RBFOX1: variants seen among roughly 807,000 people sequenced by gnomAD.
RBFOX1 encodes RNA binding fox-1 homolog 1.
In RBFOX1, 8 loss-of-function variants were observed where a neutral mutation model predicts 57.7. The observed-to-expected ratio is 0.14, with a 90% CI of 0.08 to 0.25. The LOEUF (loss-of-function observed/expected upper bound fraction) is 0.25. Ranked by LOEUF, RBFOX1 falls within the 10% of genes least tolerant of loss-of-function variation. The pLI is 1.00. For synonymous variants in RBFOX1, 326 were observed against 222.4 expected (o/e 1.47, Z -4.15); for missense variants, 611 against 548.5 (o/e 1.11, Z -1.14).
intron 4 of RBFOX1, among the ~76,000 whole-genome samples, chr16:7,296,806 T>C (rs1036165841): frequency 3.3e-5 from 5 of 152,160 alleles, no homozygotes; most frequent in Admixed American, 2.6e-4. Flanking sequence ...TGGTGTTTCC[T>C]AGGAGCTAGT....
chr16:7,021,881 C>T (rs28478230), intron 3 of RBFOX1, among the ~76,000 whole-genome samples: 122 of 122,238 alleles, frequency 1.0e-3, no homozygotes, highest in African/African-American at 3.2e-3. Flanking sequence ...TTCTTTCTCT[C>T]TCTTTCTTTC....
intron 1 of RBFOX1, among the ~76,000 whole-genome samples, chr16:6,274,927 G>A (rs2075631491): frequency 6.6e-6 from 1 of 152,156 alleles, no homozygotes; most frequent in South Asian, 2.1e-4. Flanking sequence ...TCTGTCTAGT[G>A]GAAAAGCATT....
chr16:6,052,513 G>A (rs938301869), intron 1 of RBFOX1, among the ~76,000 whole-genome samples: 3 of 152,230 alleles, frequency 2.0e-5, no homozygotes, highest in Non-Finnish European at 4.4e-5. Flanking sequence ...GGCCGGGCGC[G>A]GTGGCTCACA....
intron 3 of RBFOX1, among the ~76,000 whole-genome samples, chr16:5,669,308 A>G (rs573903966): frequency 1.3e-4 from 20 of 152,190 alleles, no homozygotes; most frequent in African/African-American, 4.8e-4. Flanking sequence ...CCTACCCAGC[A>G]GCAGGAGGGA....
intron 1 of RBFOX1, among the ~76,000 whole-genome samples, chr16:6,191,794 A>G (rs1344468): frequency 0.36 from 54,218 of 151,910 alleles, 9,955 homozygotes; most frequent in South Asian, 0.46. Flanking sequence ...TTCACCACAG[A>G]GCTTTCCTTG....
At chr16:6,037,457 A>G (rs1408170994) in intron 1 of RBFOX1, 4 of 151,594 alleles carry the variant, frequency 2.6e-5, no homozygotes, top group Non-Finnish European at 5.9e-5. Context: ...TTGATTTTTC[A>G]ATAATACTTT....
intron 1 of RBFOX1, among the ~76,000 whole-genome samples, chr16:5,397,483 G>A (rs2066592787): frequency 6.6e-6 from 1 of 152,174 alleles, no homozygotes; most frequent in African/African-American, 2.4e-5. Flanking sequence ...GTCTATGGAC[G>A]GCGGAGTGTG....
intron 2 of RBFOX1, among the ~76,000 whole-genome samples, chr16:5,474,896 G>A (rs565659668): frequency 6.6e-6 from 1 of 152,194 alleles, no homozygotes; most frequent in Non-Finnish European, 1.5e-5. Context: ...GACTAGCATT[G>A]GCTATGGATT....
chr16:5,484,713 C>G (rs990118860), intron 2 of RBFOX1, among the ~76,000 whole-genome samples: 3 of 151,680 alleles, frequency 2.0e-5, no homozygotes, highest in Admixed American at 1.3e-4. Context: ...GAGATCGAAA[C>G]CATCCTGGCC....
At chr16:6,866,736 G>T (rs1055859472) in intron 3 of RBFOX1, among the ~76,000 whole-genome samples, 2 of 151,638 alleles carry the variant, frequency 1.3e-5, no homozygotes, top group Admixed American at 1.3e-4. Context: ...TAGAGAAGGG[G>T]TTTCACCGTG....
chr16:6,295,656 G>A (rs555906819), intron 1 of RBFOX1, among the ~76,000 whole-genome samples: 2 of 152,320 alleles, frequency 1.3e-5, no homozygotes, highest in East Asian at 3.9e-4. Flanking sequence ...TTTCACACAT[G>A]TCCAATGACT....
intron 3 of RBFOX1, among the ~76,000 whole-genome samples, chr16:6,776,737 C>T (rs1385695126): frequency 1.3e-5 from 2 of 152,180 alleles, no homozygotes; most frequent in African/African-American, 2.4e-5. Context: ...GACTGAGCCA[C>T]ACTAGGTGCT....
At chr16:5,902,253 C>T (rs922737875) in intron 4 of RBFOX1, among the ~76,000 whole-genome samples, 2 of 152,064 alleles carry the variant, frequency 1.3e-5, no homozygotes, top group African/African-American at 2.4e-5. Flanking sequence ...TAAACTGAGG[C>T]TTAGAGAAAT....
chr16:7,437,822 C>G (rs1323161319), intron 4 of RBFOX1, among the ~76,000 whole-genome samples: 1 of 151,632 alleles, frequency 6.6e-6, no homozygotes, highest in Non-Finnish European at 1.5e-5. Context: ...CTGGTCGGCC[C>G]CTTCTGCAAC....
chr16:5,825,087 A>T (rs2055988315), intron 3 of RBFOX1, among the ~76,000 whole-genome samples: 1 of 152,218 alleles, frequency 6.6e-6, no homozygotes, highest in South Asian at 2.1e-4. Flanking sequence ...GAGCATCAAC[A>T]CAGGAAGGAA....
At chr16:7,699,528 A>G (rs962843321) in intron 14 of RBFOX1, among the ~76,000 whole-genome samples, 3 of 152,182 alleles carry the variant, frequency 2.0e-5, no homozygotes, top group Non-Finnish European at 4.4e-5. Flanking sequence ...AGAGCACACA[A>G]TAGGACTTGC....
At chr16:7,515,321 TA>T (rs2076122069) in intron 4 of RBFOX1, among the ~76,000 whole-genome samples, 2 of 151,660 alleles carry the variant, frequency 1.3e-5, no homozygotes, top group Non-Finnish European at 2.9e-5. Context: ...AAAAGTAGCT[TA>T]AAAAATGAGA....
intron 3 of RBFOX1, among the ~76,000 whole-genome samples, chr16:6,721,017 G>T (rs151078661): frequency 1.2e-3 from 188 of 152,294 alleles, no homozygotes; most frequent in African/African-American, 4.5e-3. Flanking sequence ...CGAATATGCA[G>T]CTTTTATGCT....
chr16:6,932,254 C>T (rs150069963), intron 3 of RBFOX1, among the ~76,000 whole-genome samples: 2,826 of 152,212 alleles, frequency 0.019, 90 homozygotes, highest in African/African-American at 0.061. Flanking sequence ...CAGGCATGCA[C>T]CACCACACCT....
Sources: gnomAD v4.1 joint callset for allele counts (sites outside exome capture counted in the v4.1 genomes callset) on GRCh38, gnomAD v4.1.1 for gene constraint, MANE v1.5 for transcripts, NCBI Gene and HGNC (gene_info 2026-07-23, HGNC 2026-07-21) for gene names.